The following ACSS1 variants were observed in gnomAD, a reference collection of about 807,000 sequenced individuals.
The protein encoded by ACSS1 is acyl-CoA synthetase short chain family member 1.
Under a neutral mutation model 75.3 loss-of-function variants are expected in ACSS1, and 42 were observed. The ratio of observed to expected loss-of-function variants is 0.56; its 90% CI spans 0.44 to 0.72. The LOEUF (loss-of-function observed/expected upper bound fraction) is 0.72. Ranked by LOEUF, ACSS1 falls within the 30% of genes least tolerant of loss-of-function variation. The probability of loss-of-function intolerance (pLI) is 0.00; values close to 1 mark genes in which losing one functional copy is unlikely to be tolerated. For missense variants in ACSS1, 782 were observed against 935.7 expected (o/e 0.84, Z 2.14); for synonymous variants, 380 against 376.8 (o/e 1.01, Z -0.10).
intron 2 of ACSS1, among the ~76,000 whole-genome samples, chr20:25,032,102 G>A (rs985621130): frequency 1.3e-5 from 2 of 152,150 alleles, no homozygotes; most frequent in African/African-American, 2.4e-5. Context: ...CAAGGGGAAG[G>A]GAAAGCACTG....
chr20:25,034,212 A>C (rs1468424612), intron 2 of ACSS1, among the ~76,000 whole-genome samples: 1 of 152,176 alleles, frequency 6.6e-6, no homozygotes, highest in Non-Finnish European at 1.5e-5. Context: ...CTTAATCATC[A>C]CACTGCCAGA....
chr20:25,031,069 GC>G, intron 2 of ACSS1, 111 bp from the exon 3 acceptor site: 1 of 1,122,578 alleles, frequency 8.9e-7, no homozygotes, highest in Non-Finnish European at 1.3e-6. Context: ...CCAGCCCAGT[GC>G]CAGGAAAACA....
In ACSS1 at chr20:25,022,871, G is replaced by A. The variant is rs1445560304; in HGVS notation, c.960+69C>T. ...ACCTACAGGCCTCGCTCTGCAGCAG[G>A]AGGACTTCCAGCCCTGCCCCTGCCT... is the stretch of plus-strand genomic sequence containing the variant. On this transcript the variant is annotated intron_variant, in intron 5 of 13. Transcript: ENST00000323482. 26 of 1,503,542 alleles carry A rather than the reference G, an allele frequency of 1.7e-5. 2 individuals carry two copies. In the South Asian group the frequency reaches 3.4e-4, roughly 20 times the overall value. 93.1% of individuals were successfully genotyped at this position (1,503,542 alleles called of 1,614,324 possible).
chr20:25,036,927 C>A (rs1433974069), intron 2 of ACSS1, among the ~76,000 whole-genome samples: 2 of 146,104 alleles, frequency 1.4e-5, no homozygotes, highest in African/African-American at 2.6e-5. Context: ...TGCACTGCAG[C>A]CTGGGTGACA....
At chr20:25,017,934 G>A (rs1284284105) in intron 7 of ACSS1, among the ~76,000 whole-genome samples, 1 of 152,196 alleles carries the variant, frequency 6.6e-6, no homozygotes, top group Non-Finnish European at 1.5e-5. Flanking sequence ...ATCTGGGCGA[G>A]TTTCTATGGC....
At position 25,057,858 on chromosome 20, in the gene ACSS1, A is replaced by C. The variant is rs1048166343; in HGVS notation, c.245T>G (p.Val82Gly). The C allele has an allele frequency of 3.7e-6, 6 of 1,612,466 alleles. No homozygotes were observed. In the African/African-American group the frequency reaches 6.7e-5, roughly 18 times the overall value. The change falls in exon 1 of 14, where the codon GTG (valine) becomes GGG (glycine). Residue 82 changes from valine (V) to glycine (G), a missense_variant. Around this residue, in one of 2 missense-constraint regions of ACSS1, gnomAD observed 377 missense variants for 383.1 expected, o/e 0.98. Transcript: ENST00000323482. ...FWGPLARDTL[V>G]WDTPYHTVWD... ...GACGGTGTGGTAGGGGGTGTCCCAC[A>C]CGAGAGTGTCCCGCGCCAGAGGCCC... is the stretch of plus-strand genomic sequence containing the variant.
At chr20:25,009,628 A>G (rs2088371120) in intron 12 of ACSS1, 1 of 516,224 alleles carries the variant, frequency 1.9e-6, no homozygotes, top group East Asian at 3.5e-5. Context: ...TGTGGCTGAG[A>G]GCTTGGCATC....
intron 7 of ACSS1, among the ~76,000 whole-genome samples, chr20:25,015,850 C>T (rs1459900979): frequency 6.6e-6 from 1 of 152,174 alleles, no homozygotes; most frequent in Admixed American, 6.5e-5. Flanking sequence ...GGATGTTTCT[C>T]TTAACATTTA....
intron 2 of ACSS1, chr20:25,046,851 A>T (rs1480509189): frequency 6.4e-6 from 5 of 779,686 alleles, no homozygotes; most frequent in Non-Finnish European, 1.2e-5. Flanking sequence ...CCTATGGGCC[A>T]CACGGCATCT....
intron 10 of ACSS1, among the ~76,000 whole-genome samples, 200 bp from the exon 11 acceptor site, chr20:25,013,139 A>T (rs899526945): frequency 6.6e-6 from 1 of 152,222 alleles, no homozygotes; most frequent in Admixed American, 6.5e-5. Context: ...AGCAGAAGGT[A>T]TACAAGCAGC....
At chr20:25,031,725 G>A (rs1452610085) in intron 2 of ACSS1, among the ~76,000 whole-genome samples, 1 of 152,126 alleles carries the variant, frequency 6.6e-6, no homozygotes, top group African/African-American at 2.4e-5. Context: ...CCTCTCCTGG[G>A]ATCCGGATGG....
intron 1 of ACSS1, among the ~76,000 whole-genome samples, chr20:25,051,879 T>C (rs2089179852): frequency 6.6e-6 from 1 of 152,196 alleles, no homozygotes; most frequent in African/African-American, 2.4e-5. Context: ...TAATGATCCT[T>C]GGTCTGGGTG....
intron 2 of ACSS1, among the ~76,000 whole-genome samples, chr20:25,038,951 C>G (rs1216953239): frequency 6.6e-6 from 1 of 152,176 alleles, no homozygotes; most frequent in Non-Finnish European, 1.5e-5. Context: ...CTCTCCAGGC[C>G]CATGGCCTCC....
chr20:25,042,894 C>G (rs766286275), intron 2 of ACSS1, among the ~76,000 whole-genome samples: 1 of 152,194 alleles, frequency 6.6e-6, no homozygotes, highest in Non-Finnish European at 1.5e-5. Flanking sequence ...GGTTTTCATC[C>G]CACATGCCCC....
At chr20:25,012,709 G>A (rs1371524739) in intron 11 of ACSS1, 45 bp from the exon 12 acceptor site, 1 of 1,613,938 alleles carries the variant, frequency 6.2e-7, no homozygotes, top group South Asian at 1.1e-5. Context: ...GCGGCCCCGG[G>A]TGCTAGAAGT....
intron 3 of ACSS1, among the ~76,000 whole-genome samples, chr20:25,028,927 A>G (rs1351745184): frequency 1.3e-5 from 2 of 152,184 alleles, no homozygotes; most frequent in East Asian, 3.8e-4. Flanking sequence ...TCAAAAAGAA[A>G]AAAAAAAGAA....
chr20:25,050,107 G>A (rs2089155312), intron 1 of ACSS1, among the ~76,000 whole-genome samples: 1 of 152,170 alleles, frequency 6.6e-6, no homozygotes, highest in African/African-American at 2.4e-5. Context: ...GGGTACAGCA[G>A]ATATTAGCCA....
chr20:25,026,671 C>G (rs1257308790), intron 3 of ACSS1, among the ~76,000 whole-genome samples: 1 of 152,230 alleles, frequency 6.6e-6, no homozygotes, highest in Non-Finnish European at 1.5e-5. Flanking sequence ...TTATTAAACA[C>G]TAAGTTTTGG....
At chr20:25,057,443 G>A (rs1325742980) in intron 1 of ACSS1, among the ~76,000 whole-genome samples, 2 of 152,224 alleles carry the variant, frequency 1.3e-5, no homozygotes, top group Non-Finnish European at 2.9e-5. Flanking sequence ...GCTCAGCGGC[G>A]CTATGCACCC....
Sources: allele counts gnomAD v4.1 joint callset (sites outside exome capture counted in the v4.1 genomes callset), GRCh38; gene constraint gnomAD v4.1.1; regional missense constraint gnomAD v4.1.1; transcripts MANE v1.5; gene names NCBI Gene and HGNC (gene_info 2026-07-23, HGNC 2026-07-21).